The following SEH1L variants were observed in gnomAD, a reference collection of about 807,000 sequenced individuals.
SEH1L encodes the protein SEH1 like nucleoporin.
Under a neutral mutation model 49.5 loss-of-function variants are expected in SEH1L, and 18 were observed. That is an observed-to-expected ratio of 0.36 (90% CI 0.25 to 0.54). The LOEUF is 0.54. SEH1L is among the 20% of genes least tolerant of loss of function. SEH1L has a pLI of 0.87. For synonymous variants in SEH1L, 169 were observed against 178.1 expected (o/e 0.95, Z 0.41); for missense variants, 404 against 528.8 (o/e 0.76, Z 2.31).
Position 12,986,887 on chromosome 18 carries a change from C to T in SEH1L, c.1096C>T (p.Pro366Ser). ...GTATTTCTTTACCCCTCTGGATTCC[C>T]CACGGGCTGGATCGAGATGGTCCAG... ...GRYFFTPLDS[P>S]RAGSRWSSYA... The change falls in exon 9 of 9, where the codon CCA (proline) becomes TCA (serine). Residue 366 changes from proline (P) to serine (S), a missense_variant. Around this residue, in one of 3 missense-constraint regions of SEH1L, gnomAD observed 342 missense variants for 430.8 expected, o/e 0.79. Coordinates refer to ENST00000399892, the MANE Select transcript of SEH1L (RefSeq NM_001013437.2). The T allele has an allele frequency of 6.2e-7, 1 of 1,606,926 alleles. No homozygotes were observed. The highest frequency in any genetic ancestry group is 1.3e-5 in the African/African-American group (1 of 74,572).
intron 3 of SEH1L, among the ~76,000 whole-genome samples, chr18:12,957,987 G>A (rs1439269363): frequency 6.6e-6 from 1 of 151,560 alleles, no homozygotes; most frequent in East Asian, 1.9e-4. Flanking sequence ...GTGATTATAG[G>A]CGTGAGCCAC....
chr18:12,949,560 C>G (rs1260577184), intron 1 of SEH1L, among the ~76,000 whole-genome samples: 6 of 142,104 alleles, frequency 4.2e-5, no homozygotes, highest in Non-Finnish European at 9.1e-5. Flanking sequence ...TCACGCCATT[C>G]TCCTGCCTCA....
intron 6 of SEH1L, among the ~76,000 whole-genome samples, chr18:12,980,846 A>T (rs1178612496): frequency 7.3e-5 from 9 of 123,642 alleles, no homozygotes; most frequent in African/African-American, 2.9e-4. Flanking sequence ...TCCCTTCCGG[A>T]CGGGGCGGCT....
At chr18:12,962,940 GTAAT>G (rs561464578) in intron 3 of SEH1L, among the ~76,000 whole-genome samples, 4 of 151,612 alleles carry the variant, frequency 2.6e-5, no homozygotes, top group Non-Finnish European at 4.4e-5. Flanking sequence ...ATTAAAGGGA[GTAAT>G]TAATTATAGC....
chr18:12,956,791 T>C (rs1008949781), intron 3 of SEH1L, among the ~76,000 whole-genome samples: 1 of 151,524 alleles, frequency 6.6e-6, no homozygotes, highest in African/African-American at 2.4e-5. Flanking sequence ...GTAACCAACC[T>C]TTGAAACAAA....
rs2145594430 is a variant in SEH1L at position 12,948,234 on chromosome 18, T to TG, written c.111+3dup. Reference sequence around the variant, plus strand: ...TGCTCCAGCGATCAGAGCGTTAAGGTGCGCGCGGCGCTTGCGGGCGGGGCC... The same window carrying TG: ...TGCTCCAGCGATCAGAGCGTTAAGGTGGCGCGCGGCGCTTGCGGGCGGGGCC... On this transcript the variant is annotated splice_region_variant and intron_variant, in intron 1 of 8. Transcript: ENST00000399892. 6.2e-7 allele frequency: 1 copy of TG among 1,603,452 alleles called. No homozygotes were observed. Among genetic ancestry groups the TG allele is most frequent in the African/African-American group, 1.4e-5 (1 of 73,738 alleles).
intron 5 of SEH1L, among the ~76,000 whole-genome samples, chr18:12,975,566 C>T (rs980353164): frequency 6.6e-6 from 1 of 151,208 alleles, no homozygotes; most frequent in Admixed American, 6.6e-5. Flanking sequence ...GGCGTGGGGT[C>T]GAGGCGGTGG....
At chr18:12,981,671 A>G (rs892727521) in intron 6 of SEH1L, among the ~76,000 whole-genome samples, 2 of 152,166 alleles carry the variant, frequency 1.3e-5, no homozygotes, top group Non-Finnish European at 2.9e-5. Flanking sequence ...GAAACTAACA[A>G]TTCTCCAAAT....
intron 6 of SEH1L, among the ~76,000 whole-genome samples, chr18:12,980,193 G>T (rs1163937589): frequency 1.2e-4 from 13 of 111,592 alleles, no homozygotes; most frequent in Non-Finnish European, 1.7e-4. Context: ...CGGATGGGGC[G>T]GCTGGCCGGG....
chr18:12,957,629 C>CT (rs1360330181), intron 3 of SEH1L, among the ~76,000 whole-genome samples: 1 of 152,138 alleles, frequency 6.6e-6, no homozygotes, highest in East Asian at 1.9e-4. Context: ...CATCTGCATG[C>CT]TTTTTTTCCC....
chr18:12,970,275 G>A (rs1240443926), intron 4 of SEH1L, among the ~76,000 whole-genome samples: 3 of 152,186 alleles, frequency 2.0e-5, no homozygotes, highest in Admixed American at 2.0e-4. Context: ...TTATAGTTCA[G>A]GAGAGCCATT....
At chr18:12,981,849 C>CT (rs1467685892) in intron 6 of SEH1L, among the ~76,000 whole-genome samples, 49 of 102,512 alleles carry the variant, frequency 4.8e-4, no homozygotes, top group East Asian at 1.0e-3. Context: ...CTGCCCTGCC[C>CT]ATTTTTTTTT....
chr18:12,980,910 C>T lies in SEH1L; in HGVS notation c.762-1608C>T, dbSNP rs1457840743. 3.5e-5 allele frequency among the ~76,000 whole-genome samples: 5 copies of T among 142,850 alleles called. No homozygotes were observed. The South Asian group carries it at 6.8e-4, about 19-fold the overall frequency. 93.7% of individuals were successfully genotyped at this position (142,850 alleles called of 152,430 possible). ...CTCCCTTCCGGACGGGGCGGCTGGC[C>T]GGGCGGGGGGCTGACCCCCACCTCC... On this transcript the variant is annotated intron_variant, in intron 6 of 8. Transcript: ENST00000399892.
At chr18:12,954,402 A>G (rs2030730004) in intron 2 of SEH1L, among the ~76,000 whole-genome samples, 2 of 152,168 alleles carry the variant, frequency 1.3e-5, no homozygotes, top group Non-Finnish European at 2.9e-5. Context: ...GATAGACTGT[A>G]TTGTCAGTTA....
intron 5 of SEH1L, among the ~76,000 whole-genome samples, chr18:12,976,121 GTC>G (rs1421652610): frequency 1.3e-5 from 2 of 152,212 alleles, no homozygotes; most frequent in African/African-American, 4.8e-5. Context: ...GTATTTCAAT[GTC>G]TGTGGGTCAA....
At chr18:12,979,806 T>C (rs1721293724) in intron 6 of SEH1L, among the ~76,000 whole-genome samples, 1 of 136,264 alleles carries the variant, frequency 7.3e-6, no homozygotes, top group South Asian at 2.4e-4. Context: ...GCTCCTCACT[T>C]CCCAGTAGGG....
At chr18:12,986,605 TTTTAAG>T (rs2032467325) in intron 8 of SEH1L, 3 of 1,059,058 alleles carry the variant, frequency 2.8e-6, no homozygotes, top group Non-Finnish European at 3.5e-6. Flanking sequence ...TTTTTTAACA[TTTTAAG>T]TTTAACAGAT....
At chr18:12,963,428 T>C (rs2031288158) in intron 4 of SEH1L, 57 bp downstream of exon 4, 1 of 1,307,988 alleles carries the variant, frequency 7.6e-7, no homozygotes, top group Non-Finnish European at 1.1e-6. Context: ...TAGTAACTTT[T>C]AAGCTAACAA....
chr18:12,950,916 G>C (rs968260399), intron 1 of SEH1L, among the ~76,000 whole-genome samples: 6 of 152,000 alleles, frequency 3.9e-5, no homozygotes, highest in Non-Finnish European at 7.4e-5. Context: ...AAACTCCTGG[G>C]CTCAAGTAAT....
Sources: allele counts gnomAD v4.1 joint callset (sites outside exome capture counted in the v4.1 genomes callset), GRCh38; gene constraint gnomAD v4.1.1; regional missense constraint gnomAD v4.1.1; transcripts MANE v1.5; gene names NCBI Gene and HGNC (gene_info 2026-07-23, HGNC 2026-07-21).